ESR1: variants seen among roughly 807,000 people sequenced by gnomAD.
ESR1 encodes the protein estrogen receptor 1, also known as estrogen receptor.
In ESR1, 12 loss-of-function variants were observed where a neutral mutation model predicts 52.7. The observed-to-expected ratio is 0.23, with a 90% CI of 0.15 to 0.37. The LOEUF is 0.37. ESR1 is among the 10% of genes least tolerant of loss of function. The pLI is 1.00. For missense variants in ESR1, 584 were observed against 779.7 expected, an observed-to-expected ratio of 0.75 and a Z score of 2.99; for synonymous variants, 305 against 316.8, an observed-to-expected ratio of 0.96 and a Z score of 0.39.
intron 1 of ESR1, among the ~76,000 whole-genome samples, chr6:151,657,248 A>G (rs866373007): frequency 6.6e-6 from 1 of 152,204 alleles, no homozygotes; most frequent in South Asian, 2.1e-4. Flanking sequence ...GTAGCAAAAT[A>G]TAGATACATT....
At chr6:151,891,197 A>G (rs561764107) in intron 3 of ESR1, among the ~76,000 whole-genome samples, 4 of 152,190 alleles carry the variant, frequency 2.6e-5, no homozygotes, top group African/African-American at 7.2e-5. Flanking sequence ...TTTGATTCCT[A>G]TCAGAAGAAA....
intron 3 of ESR1, among the ~76,000 whole-genome samples, chr6:151,908,988 A>G: frequency 6.6e-6 from 1 of 152,088 alleles, no homozygotes; most frequent in East Asian, 1.9e-4. Context: ...CACATTCACT[A>G]CAAGTACATA....
At chr6:152,083,913 C>T (rs767102310) in intron 6 of ESR1, among the ~76,000 whole-genome samples, 1 of 152,120 alleles carries the variant, frequency 6.6e-6, no homozygotes, top group Non-Finnish European at 1.5e-5. Context: ...CCAGTGATCT[C>T]ATTAGTGGGT....
At chr6:151,721,376 C>T (rs1431134644) in intron 2 of ESR1, among the ~76,000 whole-genome samples, 1 of 152,022 alleles carries the variant, frequency 6.6e-6, no homozygotes, top group Non-Finnish European at 1.5e-5. Flanking sequence ...AACTGTCAGG[C>T]TACTAAGACA....
intron 2 of ESR1, among the ~76,000 whole-genome samples, chr6:151,857,039 G>C (rs1787972489): frequency 6.6e-6 from 1 of 152,114 alleles, no homozygotes. Flanking sequence ...AGAGTTTCTT[G>C]TAAACACTTT....
intron 6 of ESR1, among the ~76,000 whole-genome samples, chr6:152,066,685 T>C (rs1411261154): frequency 6.6e-6 from 1 of 152,226 alleles, no homozygotes; most frequent in African/African-American, 2.4e-5. Context: ...CTTTGGAGCC[T>C]TTCTCTGCTA....
intron 1 of ESR1, among the ~76,000 whole-genome samples, chr6:151,669,809 G>A (rs1312289457): frequency 3.9e-5 from 6 of 152,162 alleles, no homozygotes; most frequent in Non-Finnish European, 5.9e-5. Context: ...TAAATGAGAC[G>A]TGGAGTGAGT....
chr6:151,838,518 G>A (rs558419816), intron 1 of ESR1, among the ~76,000 whole-genome samples: 5 of 152,316 alleles, frequency 3.3e-5, no homozygotes, highest in South Asian at 4.1e-4. Flanking sequence ...GTATTCTGAG[G>A]ACACAGCTCT....
intron 2 of ESR1, among the ~76,000 whole-genome samples, chr6:151,758,535 CGGATCACCTGAGGTCA>C (rs1368227252): frequency 1.3e-5 from 2 of 151,804 alleles, no homozygotes; most frequent in Non-Finnish European, 2.9e-5. Flanking sequence ...CCAAAGTGGG[CGGATCACCTGAGGTCA>C]GGAGTTCGAG....
chr6:151,905,826 TA>T (rs1257166712), intron 3 of ESR1, among the ~76,000 whole-genome samples: 6 of 152,150 alleles, frequency 3.9e-5, no homozygotes, highest in Admixed American at 1.3e-4. Context: ...TTTCAACATG[TA>T]AAAACCTAAG....
intron 4 of ESR1, among the ~76,000 whole-genome samples, chr6:151,955,193 T>C (rs916130334): frequency 2.6e-5 from 4 of 152,180 alleles, no homozygotes; most frequent in African/African-American, 9.7e-5. Flanking sequence ...TAAATGGTTA[T>C]TATTGCCCAG....
At chr6:151,659,925 C>G (rs1306295822) in intron 1 of ESR1, among the ~76,000 whole-genome samples, 10 of 152,172 alleles carry the variant, frequency 6.6e-5, no homozygotes. Context: ...TAAAACATTA[C>G]TACTGACAGT....
intron 2 of ESR1, among the ~76,000 whole-genome samples, chr6:151,733,745 A>G (rs1298560949): frequency 3.9e-5 from 6 of 152,202 alleles, no homozygotes; most frequent in Non-Finnish European, 8.8e-5. Context: ...TAGGTGAGAA[A>G]AAACAATGAT....
chr6:151,953,818 T>A (rs2036598916), intron 4 of ESR1, among the ~76,000 whole-genome samples: 1 of 152,176 alleles, frequency 6.6e-6, no homozygotes, highest in Non-Finnish European at 1.5e-5. Flanking sequence ...CTGTAACCGA[T>A]AACTTTCTAG....
intron 5 of ESR1, among the ~76,000 whole-genome samples, chr6:152,052,469 T>A (rs2046765458): frequency 6.6e-6 from 1 of 152,072 alleles, no homozygotes; most frequent in Admixed American, 6.5e-5. Flanking sequence ...ATTTACAAAA[T>A]AAATAAATAA....
At chr6:151,964,022 A>C (rs1425633180) in intron 4 of ESR1, among the ~76,000 whole-genome samples, 1 of 152,128 alleles carries the variant, frequency 6.6e-6, no homozygotes, top group African/African-American at 2.4e-5. Flanking sequence ...CTGTTCCATT[A>C]ATTCATGTGT....
intron 3 of ESR1, among the ~76,000 whole-genome samples, chr6:151,898,249 G>A (rs1052296378): frequency 6.6e-6 from 1 of 152,060 alleles, no homozygotes; most frequent in African/African-American, 2.4e-5. Flanking sequence ...CTCTAATAAG[G>A]CTAAGGAAGT....
intron 2 of ESR1, among the ~76,000 whole-genome samples, chr6:151,787,182 A>G (rs1241157433): frequency 6.6e-6 from 1 of 152,092 alleles, no homozygotes; most frequent in African/African-American, 2.4e-5. Flanking sequence ...TGGGCTCTCT[A>G]TTCTGTTCCA....
intron 4 of ESR1, among the ~76,000 whole-genome samples, chr6:151,979,392 A>G (rs1333582352): frequency 1.3e-5 from 2 of 152,194 alleles, no homozygotes; most frequent in Non-Finnish European, 1.5e-5. Context: ...ATTTTAGGAG[A>G]AAATGGACAT....
Sources: gnomAD v4.1 joint callset for allele counts (sites outside exome capture counted in the v4.1 genomes callset) on GRCh38, gnomAD v4.1.1 for gene constraint, MANE v1.5 for transcripts, NCBI Gene and HGNC (gene_info 2026-07-23, HGNC 2026-07-21) for gene names.